The following ZNF385D variants were observed in gnomAD, a reference collection of about 807,000 sequenced individuals.
ZNF385D encodes zinc finger protein 659.
In ZNF385D, 15 loss-of-function variants were observed where a neutral mutation model predicts 35.8. That is an observed-to-expected ratio of 0.42 (90% CI 0.28 to 0.64). ZNF385D has a LOEUF of 0.64. ZNF385D is among the 30% of genes least tolerant of loss of function. The pLI, the probability that ZNF385D is intolerant of heterozygous loss-of-function variation, is 0.23. For synonymous variants in ZNF385D, 212 were observed against 186.8 expected, an observed-to-expected ratio of 1.13 and a Z score of -1.10; for missense variants, 474 against 494.6, an observed-to-expected ratio of 0.96 and a Z score of 0.39.
rs59822476 is a variant in ZNF385D, at chr3:22,336,909, C to CAAAA, written c.106+35537_106+35540dup. The stretch of plus-strand genomic sequence containing the variant: ...AACCACTATGCAAACAGTGATTTTT[C>CAAAA]AAAAAAAAAAAAAAAAAAAAAAAAA... On this transcript the variant is annotated intron_variant, in intron 2 of 5. Transcript: ENST00000494108. Among the ~76,000 whole-genome samples, 295 of 47,938 alleles carry CAAAA rather than the reference C, an allele frequency of 6.2e-3. 56 individuals are homozygous for CAAAA. The highest frequency in any genetic ancestry group is 0.012 in the East Asian group (16 of 1,364). The allele number at this position is 47,938 out of a possible 152,430, so 31.4% of individuals were successfully genotyped here. A position where few individuals can be genotyped will look rare whatever the true frequency, so the allele number is the denominator to read the frequency against.
chr3:22,048,685 T>G (rs1278788863), intron 3 of ZNF385D, among the ~76,000 whole-genome samples: 2 of 152,180 alleles, frequency 1.3e-5, no homozygotes, highest in Admixed American at 6.5e-5. Flanking sequence ...ATGTGATGCC[T>G]TTGGCTTTGT....
chr3:21,414,772 A>C lies in ZNF385D; in HGVS notation c.*6442T>G, dbSNP rs939397754. 2 of 152,120 alleles carry C rather than the reference A, an allele frequency of 1.3e-5. No individual in the cohort carries two copies. Among genetic ancestry groups the C allele is most frequent in the African/African-American group, 4.8e-5 (2 of 41,432 alleles). 9.4% of individuals were successfully genotyped at this position (152,120 alleles called of 1,614,324 possible). A position where few individuals can be genotyped will look rare whatever the true frequency, so the allele number is the denominator to read the frequency against. ...CCCTTGGCCACAAGGCTTTTTCGCCAATATCCAGTACTTCCACACATTTTT... is the reference window on the plus strand; with the variant it reads ...CCCTTGGCCACAAGGCTTTTTCGCCCATATCCAGTACTTCCACACATTTTT... On this transcript the variant is annotated 3_prime_UTR_variant, in exon 8 of 8. Coordinates refer to ENST00000281523, the MANE Select transcript of ZNF385D (RefSeq NM_024697.3).
chr3:21,655,145 G>T (rs148237492), intron 2 of ZNF385D, among the ~76,000 whole-genome samples: 3 of 151,874 alleles, frequency 2.0e-5, no homozygotes. Flanking sequence ...GCTTATTAAG[G>T]CTTCAACACC....
chr3:21,872,258 T>C (rs1267959053), intron 3 of ZNF385D, among the ~76,000 whole-genome samples: 1 of 152,142 alleles, frequency 6.6e-6, no homozygotes, highest in Non-Finnish European at 1.5e-5. Context: ...CAGTACAGAC[T>C]TAGTAAGGTT....
At chr3:21,514,096 C>T (rs1404736986) in intron 3 of ZNF385D, among the ~76,000 whole-genome samples, 1 of 152,000 alleles carries the variant, frequency 6.6e-6, no homozygotes, top group African/African-American at 2.4e-5. Flanking sequence ...TCTCTTTGGG[C>T]CTCCTCTGCT....
At chr3:21,727,517 C>A (rs1446858136) in intron 1 of ZNF385D, among the ~76,000 whole-genome samples, 1 of 152,136 alleles carries the variant, frequency 6.6e-6, no homozygotes, top group African/African-American at 2.4e-5. Flanking sequence ...AGGATATGAA[C>A]AGACACTTCT....
At chr3:21,949,589 GAT>G (rs1701965637) in intron 3 of ZNF385D, among the ~76,000 whole-genome samples, 5 of 138,806 alleles carry the variant, frequency 3.6e-5, no homozygotes, top group Non-Finnish European at 7.6e-5. Flanking sequence ...TAAGTTCTGG[GAT>G]ACATGCACAG....
intron 3 of ZNF385D, among the ~76,000 whole-genome samples, chr3:22,071,005 C>A (rs575553639): frequency 6.6e-6 from 1 of 152,188 alleles, no homozygotes; most frequent in African/African-American, 2.4e-5. Flanking sequence ...AAGATTTTTA[C>A]CTGTTCAGTT....
At chr3:21,442,721 T>C (rs995904286) in intron 4 of ZNF385D, among the ~76,000 whole-genome samples, 1 of 151,632 alleles carries the variant, frequency 6.6e-6, no homozygotes, top group African/African-American at 2.4e-5. Flanking sequence ...CTGTAACCAA[T>C]TGAGCAGATG....
intron 3 of ZNF385D, among the ~76,000 whole-genome samples, chr3:21,971,183 C>T (rs1375670219): frequency 1.3e-5 from 2 of 151,934 alleles, no homozygotes; most frequent in Non-Finnish European, 2.9e-5. Flanking sequence ...ATAACAAACA[C>T]TGTAATTATG....
At chr3:21,896,788 T>C (rs1168559740) in intron 3 of ZNF385D, among the ~76,000 whole-genome samples, 1 of 151,942 alleles carries the variant, frequency 6.6e-6, no homozygotes, top group Non-Finnish European at 1.5e-5. Flanking sequence ...CACTAGGTTC[T>C]GTGTTTGTAT....
chr3:22,282,424 G>T (rs1701802292), intron 2 of ZNF385D, among the ~76,000 whole-genome samples: 1 of 152,062 alleles, frequency 6.6e-6, no homozygotes, highest in Non-Finnish European at 1.5e-5. Flanking sequence ...GTTTTGATAG[G>T]TTGTGTCACT....
chr3:21,722,207 G>T (rs1056041827), intron 1 of ZNF385D, among the ~76,000 whole-genome samples: 23 of 152,024 alleles, frequency 1.5e-4, no homozygotes, highest in African/African-American at 5.6e-4. Flanking sequence ...CCCCAGCAAA[G>T]TTGCTGTTTC....
chr3:21,677,085 A>C (rs1015346775), intron 1 of ZNF385D, among the ~76,000 whole-genome samples: 3 of 152,160 alleles, frequency 2.0e-5, no homozygotes, highest in Non-Finnish European at 4.4e-5. Flanking sequence ...AAGGAAAGAC[A>C]TCGTAAAATA....
At chr3:22,160,459 T>A (rs1435243300) in intron 3 of ZNF385D, among the ~76,000 whole-genome samples, 1 of 152,114 alleles carries the variant, frequency 6.6e-6, no homozygotes, top group Admixed American at 6.6e-5. Flanking sequence ...GATAAAAATC[T>A]ATGAAGCTAT....
Position 22,189,002 on chromosome 3 carries a change from G to T in ZNF385D, c.107-19967C>A, listed in dbSNP as rs183626768. ...GATTTAGAGCAAGTTCTCTTAGAAAGCCCAACAGCCTCCTAGGCTTAGCAG... is the reference window on the plus strand; with the variant it reads ...GATTTAGAGCAAGTTCTCTTAGAAATCCCAACAGCCTCCTAGGCTTAGCAG... On this transcript the variant is annotated intron_variant, in intron 2 of 5. Transcript: ENST00000494108. Among the ~76,000 whole-genome samples the T allele has an allele frequency of 2.5e-3, 379 of 152,030 alleles. 2 individuals are homozygous for T. Among genetic ancestry groups the T allele is most frequent in the South Asian group, 0.014 (69 of 4,806 alleles).
intron 2 of ZNF385D, among the ~76,000 whole-genome samples, chr3:21,595,899 A>G (rs1456163727): frequency 3.3e-5 from 5 of 152,230 alleles, no homozygotes; most frequent in African/African-American, 1.2e-4. Flanking sequence ...ACTATATCAT[A>G]TGTCAGGCTC....
intron 3 of ZNF385D, among the ~76,000 whole-genome samples, chr3:22,032,744 A>G (rs1329006769): frequency 6.6e-6 from 1 of 152,188 alleles, no homozygotes; most frequent in African/African-American, 2.4e-5. Flanking sequence ...GGTCGGCTGA[A>G]AAACAATCAC....
Position 22,030,287 on chromosome 3 carries a change from A to ATC in ZNF385D, c.325+138529_325+138530insGA, listed in dbSNP as rs1407044673. ...TATATATATATATATATATATATAT[A>ATC]TATATATATATATATCCTATTTGGT... is the stretch of plus-strand genomic sequence containing the variant. On this transcript the variant is annotated intron_variant, in intron 3 of 5. Transcript: ENST00000494108. 3.1e-5 allele frequency among the ~76,000 whole-genome samples: 3 copies of ATC among 97,436 alleles called. 1 individual carries two copies. Among genetic ancestry groups the ATC allele is most frequent in the Admixed American group, 2.0e-4 (2 of 10,198 alleles). The allele number at this position is 97,436 out of a possible 152,430, so 63.9% of individuals were successfully genotyped here.
Sources: allele counts gnomAD v4.1 joint callset (sites outside exome capture counted in the v4.1 genomes callset), GRCh38; gene constraint gnomAD v4.1.1; transcripts MANE v1.5; gene names NCBI Gene and HGNC (gene_info 2026-07-23, HGNC 2026-07-21).